Variants in TMEM132C observed in about 807,000 individuals in gnomAD.
The protein encoded by TMEM132C is protein phosphatase 1, regulatory subunit 152.
Under a neutral mutation model 61.4 loss-of-function variants are expected in TMEM132C, and 29 were observed. That is an observed-to-expected ratio of 0.47 (90% confidence interval 0.35 to 0.64). The LOEUF is 0.64. Ranked by LOEUF, TMEM132C falls within the 30% of genes least tolerant of loss-of-function variation. The probability of loss-of-function intolerance (pLI) is 0.00; values close to 1 mark genes in which losing one functional copy is unlikely to be tolerated. For synonymous variants in TMEM132C, 656 were observed against 633.1 expected, an observed-to-expected ratio of 1.04 and a Z score of -0.54; for missense variants, 1,408 against 1,476.9, an observed-to-expected ratio of 0.95 and a Z score of 0.76.
intron 1 of TMEM132C, among the ~76,000 whole-genome samples, chr12:128,275,467 G>T (rs1009404141): frequency 1.3e-5 from 2 of 152,204 alleles, no homozygotes; most frequent in African/African-American, 4.8e-5. Context: ...GGATGGTCTA[G>T]TTGCAGGAAG....
intron 2 of TMEM132C, among the ~76,000 whole-genome samples, chr12:128,538,835 A>G (rs2136143172): frequency 6.6e-6 from 1 of 152,304 alleles, no homozygotes; most frequent in Middle Eastern, 3.4e-3. Context: ...CTCAAGTATA[A>G]TAATCATATT....
At chr12:128,346,763 T>A (rs1412220280) in intron 1 of TMEM132C, among the ~76,000 whole-genome samples, 3 of 152,176 alleles carry the variant, frequency 2.0e-5, no homozygotes, top group Non-Finnish European at 4.4e-5. Context: ...CCTGATTGAA[T>A]GATCTTGGCA....
intron 1 of TMEM132C, among the ~76,000 whole-genome samples, chr12:128,412,524 T>C (rs1868595568): frequency 6.6e-6 from 1 of 152,178 alleles, no homozygotes; most frequent in South Asian, 2.1e-4. Context: ...AATTGAATCA[T>C]GGGGGTAGTT....
At chr12:128,625,708 A>C (rs968164807) in intron 4 of TMEM132C, among the ~76,000 whole-genome samples, 1 of 152,226 alleles carries the variant, frequency 6.6e-6, no homozygotes, top group East Asian at 1.9e-4. Flanking sequence ...CCTCTCCCAC[A>C]ACATGTACCA....
At position 128,267,666 on chromosome 12, in the gene TMEM132C, C is replaced by T. The variant is rs546099128; in HGVS notation, c.85+179C>T. On this transcript the variant is annotated intron_variant, in intron 1 of 8. Coordinates refer to ENST00000435159, the MANE Select transcript of TMEM132C (RefSeq NM_001136103.3). ...CCCTAATCCAGAAGGGCGCTCCCAGCTGGGCGCCGGGATCCGGGCAAGTTA... is the reference window on the plus strand; with the variant it reads ...CCCTAATCCAGAAGGGCGCTCCCAGTTGGGCGCCGGGATCCGGGCAAGTTA... 3.3e-4 allele frequency among the ~76,000 whole-genome samples: 51 copies of T among 152,292 alleles called. 1 individual carries two copies. The South Asian group carries it at 9.9e-3, about 30-fold the overall frequency.
intron 1 of TMEM132C, among the ~76,000 whole-genome samples, chr12:128,300,615 C>G (rs1593002815): frequency 6.6e-6 from 1 of 152,254 alleles, no homozygotes; most frequent in Middle Eastern, 3.4e-3. Flanking sequence ...ATTCTGGTCT[C>G]CAGTCAGTTC....
chr12:128,421,493 C>A (rs74379867), intron 2 of TMEM132C, among the ~76,000 whole-genome samples: 2,997 of 152,284 alleles, frequency 0.02, 107 homozygotes, highest in African/African-American at 0.069. Context: ...GGTCTTCGCA[C>A]AATGGTTTCA....
intron 1 of TMEM132C, among the ~76,000 whole-genome samples, chr12:128,405,826 C>T (rs1875325274): frequency 1.3e-5 from 2 of 152,118 alleles, no homozygotes; most frequent in South Asian, 4.1e-4. Flanking sequence ...GGAAACACCA[C>T]CCTCAGTTGA....
intron 3 of TMEM132C, among the ~76,000 whole-genome samples, chr12:128,549,543 G>A (rs1267516302): frequency 1.3e-5 from 2 of 152,148 alleles, no homozygotes; most frequent in African/African-American, 4.8e-5. Context: ...TATGTGTCAA[G>A]TGCCTGGTAC....
intron 4 of TMEM132C, among the ~76,000 whole-genome samples, chr12:128,627,728 A>G (rs973584466): frequency 1.3e-5 from 2 of 152,136 alleles, no homozygotes; most frequent in Admixed American, 6.5e-5. Flanking sequence ...GACAGCAGGT[A>G]CTGTAGGTCT....
At chr12:128,504,082 C>G (rs12582187) in intron 2 of TMEM132C, among the ~76,000 whole-genome samples, 54,327 of 151,872 alleles carry the variant, frequency 0.36, 10,015 homozygotes, top group East Asian at 0.57. Flanking sequence ...CAGGGCCCAT[C>G]CAGGTGGTGG....
At chr12:128,639,679 T>C (rs1452365496) in intron 4 of TMEM132C, among the ~76,000 whole-genome samples, 2 of 152,160 alleles carry the variant, frequency 1.3e-5, no homozygotes, top group Non-Finnish European at 2.9e-5. Context: ...CCTATGGGAA[T>C]AGACTGCGGT....
chr12:128,521,317 A>ATGTGTG (rs759624247), intron 2 of TMEM132C, among the ~76,000 whole-genome samples: 113 of 146,286 alleles, frequency 7.7e-4, no homozygotes, highest in African/African-American at 2.6e-3. Flanking sequence ...GTATATATAT[A>ATGTGTG]TATGTGTGTG....
chr12:128,416,642 A>C (rs939326644), intron 2 of TMEM132C, among the ~76,000 whole-genome samples: 1 of 152,194 alleles, frequency 6.6e-6, no homozygotes, highest in African/African-American at 2.4e-5. Flanking sequence ...TAATATAGCT[A>C]TAAGGATGCT....
chr12:128,478,700 C>A (rs369606161), intron 2 of TMEM132C, among the ~76,000 whole-genome samples: 1 of 152,134 alleles, frequency 6.6e-6, no homozygotes, highest in African/African-American at 2.4e-5. Flanking sequence ...GCCACATTAC[C>A]GGAGGTACAG....
intron 1 of TMEM132C, among the ~76,000 whole-genome samples, chr12:128,311,657 G>A (rs770362339): frequency 3.9e-4 from 60 of 152,284 alleles, no homozygotes; most frequent in South Asian, 1.0e-3. Context: ...TGCAAGAAAC[G>A]TGGCACCCCC....
chr12:128,469,266 T>C (rs1226402176), intron 2 of TMEM132C, among the ~76,000 whole-genome samples: 1 of 152,194 alleles, frequency 6.6e-6, no homozygotes, highest in Non-Finnish European at 1.5e-5. Context: ...AGAGACACAT[T>C]TTACTTTATG....
chr12:128,551,213 C>T (rs1228823260), intron 3 of TMEM132C, among the ~76,000 whole-genome samples: 1 of 149,838 alleles, frequency 6.7e-6, no homozygotes, highest in Non-Finnish European at 1.5e-5. Context: ...ATAAGAGCCC[C>T]CCCCCTCCCG....
At chr12:128,508,867 T>A (rs1872474049) in intron 2 of TMEM132C, among the ~76,000 whole-genome samples, 1 of 152,202 alleles carries the variant, frequency 6.6e-6, no homozygotes. Flanking sequence ...TCATGTCATG[T>A]CATGTCGTGT....
Sources: gnomAD v4.1 joint callset for allele counts (sites outside exome capture counted in the v4.1 genomes callset) on GRCh38, gnomAD v4.1.1 for gene constraint, MANE v1.5 for transcripts, NCBI Gene and HGNC (gene_info 2026-07-23, HGNC 2026-07-21) for gene names.